Variants in DOCK4 observed in about 807,000 individuals in gnomAD.
The protein encoded by DOCK4 is dedicator of cytokinesis 4.
In DOCK4, 97 loss-of-function variants were observed where a neutral mutation model predicts 268.1. The observed-to-expected ratio is 0.36, with a 90% CI of 0.31 to 0.43. The LOEUF (loss-of-function observed/expected upper bound fraction) is 0.43, where lower values mean the gene tolerates loss of function less well. DOCK4 is among the 20% of genes least tolerant of loss of function. The probability of loss-of-function intolerance (pLI) is 1.00; values close to 1 mark genes in which losing one functional copy is unlikely to be tolerated. For synonymous variants in DOCK4, 954 were observed against 887.2 expected (o/e 1.08, Z -1.34); for missense variants, 2,145 against 2,455.7 (o/e 0.87, Z 2.67).
intron 2 of DOCK4, among the ~76,000 whole-genome samples, chr7:112,002,848 G>A (rs1327365015): frequency 2.6e-5 from 4 of 152,002 alleles, no homozygotes; most frequent in East Asian, 1.9e-4. Flanking sequence ...TCAGGAGTTC[G>A]AGGACAGCCT....
chr7:111,977,407 G>T, intron 7 of DOCK4, 124 bp from the exon 8 acceptor site: 1 of 1,082,816 alleles, frequency 9.2e-7, no homozygotes, highest in Non-Finnish European at 1.2e-6. Flanking sequence ...TTTTGCTGTG[G>T]ATTTGGTATC....
At chr7:111,977,028 A>G in intron 8 of DOCK4, 104 bp downstream of exon 8, 1 of 1,325,894 alleles carries the variant, frequency 7.5e-7, no homozygotes, top group South Asian at 1.7e-5. Context: ...ATTGAAGCTG[A>G]CGGAGTAAAA....
In DOCK4 at chr7:112,152,671, C is replaced by A. The variant is rs937401639; in HGVS notation, c.37+53431G>T. Among the ~76,000 whole-genome samples, 3 of 152,020 alleles carry A rather than the reference C, an allele frequency of 2.0e-5. No individual in the cohort carries two copies. The East Asian group carries it at 5.8e-4, about 29-fold the overall frequency. On this transcript the variant is annotated intron_variant, in intron 1 of 52. Transcript: ENST00000428084. ...AGTTCTTGTTTGTTTGTTTTTGTAG[C>A]GACGGGGGTCTTGCTATGTTGCTGA...
At chr7:112,133,822 T>C (rs1814048269) in intron 1 of DOCK4, among the ~76,000 whole-genome samples, 1 of 152,202 alleles carries the variant, frequency 6.6e-6, no homozygotes, top group African/African-American at 2.4e-5. Flanking sequence ...AAGAGTGCTG[T>C]ATACAGGTAG....
chr7:111,978,012 G>A (rs200758824), intron 7 of DOCK4, among the ~76,000 whole-genome samples: 2 of 152,218 alleles, frequency 1.3e-5, no homozygotes, highest in African/African-American at 2.4e-5. Flanking sequence ...AATCATTCAC[G>A]AGTCCAGGAA....
chr7:111,957,224 T>C (rs868134614), intron 8 of DOCK4, among the ~76,000 whole-genome samples: 8 of 152,274 alleles, frequency 5.3e-5, no homozygotes, highest in Middle Eastern at 3.4e-3. Context: ...AAATCGCATA[T>C]TGGATACCAT....
In DOCK4 at chr7:112,051,248, A is replaced by G. The variant is rs113944062; in HGVS notation, c.38-47117T>C. Among the ~76,000 whole-genome samples the G allele has an allele frequency of 3.3e-3, 496 of 152,196 alleles. 3 individuals are homozygous for G. The highest frequency in any genetic ancestry group is 0.011 in the African/African-American group (472 of 41,550). On this transcript the variant is annotated intron_variant, in intron 1 of 52. Transcript: ENST00000428084. ...GAAAAGTTTCATGCATTAATTAGAA[A>G]TGTATCAAGACTCTGGGGTGGAGGG...
intron 12 of DOCK4, among the ~76,000 whole-genome samples, chr7:111,918,390 G>A (rs1195642350): frequency 5.3e-5 from 8 of 152,152 alleles, no homozygotes; most frequent in African/African-American, 1.4e-4. Flanking sequence ...GGTGACCGAT[G>A]ACAATAAAAT....
At chr7:111,771,769 G>A (rs1029265049) in intron 36 of DOCK4, among the ~76,000 whole-genome samples, 1 of 152,170 alleles carries the variant, frequency 6.6e-6, no homozygotes, top group African/African-American at 2.4e-5. Flanking sequence ...CGAACAAGCT[G>A]TGCTTCCTCT....
At chr7:112,005,720 G>C (rs1277380531) in intron 1 of DOCK4, among the ~76,000 whole-genome samples, 1 of 152,026 alleles carries the variant, frequency 6.6e-6, no homozygotes, top group Non-Finnish European at 1.5e-5. Flanking sequence ...TAGAAGTCTT[G>C]GTGCATGGAC....
chr7:112,189,955 T>G lies in DOCK4; in HGVS notation c.37+16147A>C, dbSNP rs111595313. On this transcript the variant is annotated intron_variant, in intron 1 of 52. Transcript: ENST00000428084. ...ACCACAATGTATGTTTCAGATTTTA[T>G]GTAACTAATTTCATATACTTTTGAC... 4.7e-3 allele frequency among the ~76,000 whole-genome samples: 711 copies of G among 152,260 alleles called. 7 individuals carry two copies. Among genetic ancestry groups the G allele is most frequent in the African/African-American group, 0.016 (646 of 41,546 alleles).
Position 112,095,744 on chromosome 7 carries a change from TA to T in DOCK4, c.38-91614del, listed in dbSNP as rs549431478. Among the ~76,000 whole-genome samples the T allele has an allele frequency of 9.7e-4, 148 of 152,132 alleles. 1 individual carries two copies. The highest frequency in any genetic ancestry group is 3.3e-3 in the African/African-American group (138 of 41,504). ...ATTGAATAAGCAATTTTCATGAATT[TA>T]AGTGTGCTTTGTAATAAAATAAAAA... On this transcript the variant is annotated intron_variant, in intron 1 of 52. Coordinates refer to ENST00000428084, the MANE Select transcript of DOCK4 (RefSeq NM_001363540.2).
chr7:111,866,187 G>A lies in DOCK4; in HGVS notation c.2280+1797C>T, dbSNP rs138102144. 4.0e-3 allele frequency among the ~76,000 whole-genome samples: 615 copies of A among 152,330 alleles called. 6 individuals carry two copies. The highest frequency in any genetic ancestry group is 0.014 in the African/African-American group (590 of 41,572). ...CCATTGAATTAGTGGTACTGCCTCT[G>A]CAAAGAGAGCATGGGATCAAAAGGG... On this transcript the variant is annotated intron_variant, in intron 22 of 52. Transcript: ENST00000428084.
At chr7:111,811,826 T>A (rs1219875164) in intron 28 of DOCK4, 48 bp downstream of exon 28, 4 of 1,099,382 alleles carry the variant, frequency 3.6e-6, no homozygotes, top group Non-Finnish European at 5.4e-6. Flanking sequence ...TATAATACAA[T>A]GTGATTCTTT....
chr7:111,844,934 G>A (rs780470432), intron 24 of DOCK4, 37 bp from the exon 25 acceptor site: 2 of 1,575,584 alleles, frequency 1.3e-6, no homozygotes, highest in Non-Finnish European at 1.7e-6. Flanking sequence ...AGGAAACTGG[G>A]GTTTAACATG....
chr7:111,991,295 G>C (rs1474472463), intron 5 of DOCK4, among the ~76,000 whole-genome samples: 1 of 152,152 alleles, frequency 6.6e-6, no homozygotes, highest in Non-Finnish European at 1.5e-5. Context: ...TGCAGGCCTG[G>C]CCAGCAAACC....
intron 5 of DOCK4, among the ~76,000 whole-genome samples, chr7:111,989,795 G>A (rs933394299): frequency 6.6e-6 from 1 of 152,162 alleles, no homozygotes; most frequent in Non-Finnish European, 1.5e-5. Flanking sequence ...AAGCTCTGTG[G>A]TTTACTGGAA....
intron 1 of DOCK4, among the ~76,000 whole-genome samples, chr7:112,021,327 A>G (rs888165043): frequency 6.6e-6 from 1 of 152,240 alleles, no homozygotes; most frequent in Non-Finnish European, 1.5e-5. Flanking sequence ...TGTTTCATCT[A>G]TATAGGAGAC....
At chr7:111,974,259 T>C (rs537958630) in intron 8 of DOCK4, among the ~76,000 whole-genome samples, 1 of 152,144 alleles carries the variant, frequency 6.6e-6, no homozygotes, top group South Asian at 2.1e-4. Flanking sequence ...AAACAATCAC[T>C]GTGTGGCCTA....
Sources: allele counts gnomAD v4.1 joint callset (sites outside exome capture counted in the v4.1 genomes callset), GRCh38; gene constraint gnomAD v4.1.1; transcripts MANE v1.5; gene names NCBI Gene and HGNC (gene_info 2026-07-23, HGNC 2026-07-21).